The following PRDM12 variants were observed in gnomAD, a reference collection of about 807,000 sequenced individuals.
The protein encoded by PRDM12 is PR domain zinc finger protein 12.
Under a neutral mutation model 29.6 loss-of-function variants are expected in PRDM12, and 17 were observed. That is an observed-to-expected ratio of 0.57 (90% CI 0.39 to 0.86). The LOEUF (loss-of-function observed/expected upper bound fraction) is 0.86, where lower values mean the gene tolerates loss of function less well. Among genes scored for constraint, PRDM12 ranks in the 40% least tolerant of loss-of-function variants. The pLI is 0.00. For missense variants in PRDM12, 422 were observed against 510.8 expected, an observed-to-expected ratio of 0.83 and a Z score of 1.68; for synonymous variants, 231 against 225.8, an observed-to-expected ratio of 1.02 and a Z score of -0.21.
Position 130,664,631 on chromosome 9 carries a change from C to T in PRDM12, c.-23C>T. On this transcript the variant is annotated 5_prime_UTR_variant, in exon 1 of 5. Transcript: ENST00000253008. The surrounding 1 kb of genome is among the most constrained non-coding windows in gnomAD (Gnocchi z 6.4). The stretch of plus-strand genomic sequence containing the variant: ...CCCCGTCGGCCCGGCCGTCCCCCGG[C>T]GCCGGGGAGCTCCGGGCCGCCCATG... The T allele has an allele frequency of 6.6e-7, 1 of 1,518,370 alleles. No individual in the cohort carries two copies. The highest frequency in any genetic ancestry group is 1.2e-5 in the South Asian group (1 of 81,042). 94.1% of individuals were successfully genotyped at this position (1,518,370 alleles called of 1,614,324 possible). A position where few individuals can be genotyped will look rare whatever the true frequency, so the allele number is the denominator to read the frequency against.
At chr9:130,680,812 G>A (rs927723777) in intron 4 of PRDM12, among the ~76,000 whole-genome samples, 1 of 151,540 alleles carries the variant, frequency 6.6e-6, no homozygotes, top group African/African-American at 2.4e-5. Context: ...GGTCATCACA[G>A]TTGCTCCCCT....
At chr9:130,679,063 G>T (rs1382407365) in intron 4 of PRDM12, among the ~76,000 whole-genome samples, 1 of 152,156 alleles carries the variant, frequency 6.6e-6, no homozygotes, top group Non-Finnish European at 1.5e-5. Context: ...TTCCCTTCTG[G>T]TTCTGACAAC....
chr9:130,669,611 C>T (rs1183657611), intron 3 of PRDM12, among the ~76,000 whole-genome samples: 1 of 150,830 alleles, frequency 6.6e-6, no homozygotes, highest in African/African-American at 2.4e-5. Flanking sequence ...GCCAGGAGAT[C>T]GAGACCATCC....
intron 1 of PRDM12, among the ~76,000 whole-genome samples, chr9:130,665,289 A>G (rs1339688305): frequency 6.6e-6 from 1 of 151,514 alleles, no homozygotes; most frequent in Non-Finnish European, 1.5e-5. Context: ...CAAGAACTTT[A>G]AAAGGCAGCC....
At chr9:130,676,940 G>A (rs1830848450) in intron 3 of PRDM12, among the ~76,000 whole-genome samples, 1 of 150,826 alleles carries the variant, frequency 6.6e-6, no homozygotes, top group Non-Finnish European at 1.5e-5. Flanking sequence ...ACAGGGTCTT[G>A]CTCTGTCACC....
chr9:130,677,171 C>T (rs931425978), intron 3 of PRDM12, among the ~76,000 whole-genome samples: 1 of 152,196 alleles, frequency 6.6e-6, no homozygotes, highest in Admixed American at 6.5e-5. Context: ...GTAATCCACC[C>T]GCCTCAGCCT....
intron 4 of PRDM12, among the ~76,000 whole-genome samples, chr9:130,680,269 C>G (rs1275803659): frequency 2.6e-5 from 4 of 151,720 alleles, no homozygotes; most frequent in Non-Finnish European, 4.4e-5. Flanking sequence ...CCCGGGAGGT[C>G]GAGGCTACAG....
In PRDM12 at chr9:130,668,188, T is replaced by C. The variant is rs748200814; in HGVS notation, c.445T>C (p.Phe149Leu). 6.2e-7 allele frequency: 1 copy of C among 1,614,164 alleles called. No homozygotes were observed. Among genetic ancestry groups the C allele is most frequent in the South Asian group, 1.1e-5 (1 of 91,084 alleles). Residue 149 changes from phenylalanine to leucine, a missense_variant, in exon 3 of 5, where the codon TTC (phenylalanine) becomes CTC (leucine). Physicochemically the swap from Phe to Leu is conservative, Grantham distance 22. This residue lies in a region of PRDM12 where 300 missense variants were observed against 350.0 expected (regional missense o/e 0.86). Transcript: ENST00000253008. The surrounding 1 kb of genome is among the most constrained non-coding windows in gnomAD (Gnocchi z 4.0). ...CAATGAGGATGGCACGGTGCGCTAC[T>C]TCATCGATGCCAGCCAGGAGGACCA... ...VFNEDGTVRYFIDASQEDHRS... is the reference protein window; with the variant it reads ...VFNEDGTVRYLIDASQEDHRS...
chr9:130,681,444 C>T lies in PRDM12; in HGVS notation c.879C>T (p.His293=). The T allele has an allele frequency of 3.1e-6, 5 of 1,592,368 alleles. No homozygotes were observed. The highest frequency in any genetic ancestry group is 4.3e-6 in the Non-Finnish European group (5 of 1,173,760). Residue 293 remains histidine (H), a synonymous_variant, in exon 5 of 5, where the codon CAC becomes CAT. Coordinates refer to ENST00000253008, the MANE Select transcript of PRDM12 (RefSeq NM_021619.3). The surrounding 1 kb of genome is among the most constrained non-coding windows in gnomAD (Gnocchi z 8.1). The part of the protein sequence containing the change: ...SSTLRNHVRL[H]TGERPYKCQV... ...CGCTGCGCAACCACGTGCGCCTGCA[C>T]ACGGGCGAGCGCCCCTACAAGTGCC...
chr9:130,681,481 A>T lies in PRDM12; in HGVS notation c.916A>T (p.Ser306Cys). Residue 306 changes from serine to cysteine, a missense_variant, in exon 5 of 5, where the codon AGC becomes TGC. Ser to Cys is a moderately radical substitution (Grantham distance 112). Transcript: ENST00000253008. This position sits in a 1 kb window ranked among gnomAD's most constrained non-coding sequence, Gnocchi z 8.1. Reference sequence around the variant, plus strand: ...CCCCTACAAGTGCCAGGTGTGCCAGAGCGCCTACTCGCAGCTGGCCGGCCT... The same window carrying T: ...CCCCTACAAGTGCCAGGTGTGCCAGTGCGCCTACTCGCAGCTGGCCGGCCT... Reference protein sequence around the residue: ...ERPYKCQVCQSAYSQLAGLRA... With the variant: ...ERPYKCQVCQCAYSQLAGLRA... 6.5e-7 allele frequency: 1 copy of T among 1,535,468 alleles called. No individual in the cohort carries two copies. The highest frequency in any genetic ancestry group is 8.8e-7 in the Non-Finnish European group (1 of 1,142,064).
In PRDM12 at chr9:130,671,174, G is replaced by A. The variant is rs377086121; in HGVS notation, c.570+2861G>A. On this transcript the variant is annotated intron_variant, in intron 3 of 4. Transcript: ENST00000253008. ...AGCCTGGCCAACATGGTGAAACCCC[G>A]TCTCTACTAAAAATACAAAAATTAG... Among the ~76,000 whole-genome samples the A allele has an allele frequency of 1.6e-3, 243 of 152,098 alleles. 2 individuals carry two copies. Among genetic ancestry groups the A allele is most frequent in the African/African-American group, 5.3e-3 (219 of 41,490 alleles).
At chr9:130,677,348 C>T (rs938748845) in intron 3 of PRDM12, among the ~76,000 whole-genome samples, 2 of 152,194 alleles carry the variant, frequency 1.3e-5, no homozygotes, top group African/African-American at 2.4e-5. Flanking sequence ...GCTCTGCAGG[C>T]TGAACCAAGC....
intron 3 of PRDM12, among the ~76,000 whole-genome samples, chr9:130,673,195 G>A (rs1420056961): frequency 2.1e-5 from 3 of 144,126 alleles, no homozygotes; most frequent in African/African-American, 4.9e-5. Context: ...GCAGTAAAGA[G>A]TGCTGCCGAG....
chr9:130,669,358 A>T (rs1346339796), intron 3 of PRDM12, among the ~76,000 whole-genome samples: 1 of 151,340 alleles, frequency 6.6e-6, no homozygotes, highest in African/African-American at 2.4e-5. Flanking sequence ...TAAAAATAAA[A>T]ATACAAATAC....
chr9:130,680,659 A>ATATATATATATATATATAT, intron 4 of PRDM12, among the ~76,000 whole-genome samples: 34 of 72,148 alleles, frequency 4.7e-4, no homozygotes, highest in South Asian at 1.1e-3. Flanking sequence ...ATATATATAT[A>ATATATATATATATATATAT]TTTTTTTTTT....
At chr9:130,665,537 C>T (rs1830724964) in intron 1 of PRDM12, among the ~76,000 whole-genome samples, 1 of 152,128 alleles carries the variant, frequency 6.6e-6, no homozygotes, top group Admixed American at 6.5e-5. Flanking sequence ...ACTAATTCCA[C>T]TTCCATTCAC....
intron 3 of PRDM12, among the ~76,000 whole-genome samples, chr9:130,673,040 C>A (rs1564246677): frequency 6.6e-6 from 1 of 152,164 alleles, no homozygotes; most frequent in Non-Finnish European, 1.5e-5. Flanking sequence ...TTTTGTGGTA[C>A]AGGACTCAGT....
chr9:130,672,526 G>T (rs762523155), intron 3 of PRDM12, among the ~76,000 whole-genome samples: 8 of 152,160 alleles, frequency 5.3e-5, no homozygotes, highest in Non-Finnish European at 1.0e-4. Context: ...CAGCCCTCGG[G>T]GTGCTGCTCT....
At chr9:130,673,223 G>A (rs1442718550) in intron 3 of PRDM12, among the ~76,000 whole-genome samples, 2 of 152,248 alleles carry the variant, frequency 1.3e-5, no homozygotes, top group African/African-American at 4.8e-5. Context: ...AGAGGGCACG[G>A]TGGCTGTTCT....
Sources: gnomAD v4.1 joint callset for allele counts (sites outside exome capture counted in the v4.1 genomes callset) on GRCh38, gnomAD v4.1.1 for gene constraint, gnomAD v4.1.1 regional missense constraint, Gnocchi (gnomAD v3.1) non-coding constraint, MANE v1.5 for transcripts, NCBI Gene and HGNC (gene_info 2026-07-23, HGNC 2026-07-21) for gene names.